Variants in NFATC2 observed in about 807,000 individuals in gnomAD.
NFATC2 encodes the protein nuclear factor of activated T cells 2.
In NFATC2, 22 loss-of-function variants were observed where a neutral mutation model predicts 87.3. The ratio of observed to expected loss-of-function variants is 0.25; its 90% CI spans 0.18 to 0.36. NFATC2 has a LOEUF of 0.36. NFATC2 is among the 10% of genes least tolerant of loss of function. The pLI is 1.00. For synonymous variants in NFATC2, 565 were observed against 542.2 expected, an observed-to-expected ratio of 1.04 and a Z score of -0.58; for missense variants, 1,149 against 1,259.1, an observed-to-expected ratio of 0.91 and a Z score of 1.32.
At chr20:51,528,150 T>C (rs1246884251) in intron 1 of NFATC2, among the ~76,000 whole-genome samples, 1 of 151,714 alleles carries the variant, frequency 6.6e-6, no homozygotes, top group Non-Finnish European at 1.5e-5. Context: ...ATGACCTGTG[T>C]ATGCTTAAGA....
At chr20:51,402,434 C>T (rs1183277087) in intron 9 of NFATC2, among the ~76,000 whole-genome samples, 1 of 151,110 alleles carries the variant, frequency 6.6e-6, no homozygotes, top group Non-Finnish European at 1.5e-5. Context: ...TGCTAAGAAA[C>T]ATCAGCCAAC....
chr20:51,471,889 G>T (rs1304298915), intron 5 of NFATC2, among the ~76,000 whole-genome samples: 2 of 152,196 alleles, frequency 1.3e-5, no homozygotes, highest in Non-Finnish European at 1.5e-5. Flanking sequence ...GCCAGCTGAT[G>T]GATGCAGCAA....
intron 1 of NFATC2, among the ~76,000 whole-genome samples, chr20:51,551,896 G>A (rs557689311): frequency 8.6e-5 from 13 of 152,008 alleles, no homozygotes; most frequent in South Asian, 6.2e-4. Context: ...GTGTGGTGGC[G>A]GGTGCCTGTA....
intron 3 of NFATC2, among the ~76,000 whole-genome samples, chr20:51,499,741 TA>T (rs538460642): frequency 2.4e-3 from 325 of 137,422 alleles, no homozygotes; most frequent in Admixed American, 2.7e-3. Context: ...GACTCCATCT[TA>T]AAAAAAAAAA....
At chr20:51,515,842 T>C (rs1424266368) in intron 3 of NFATC2, among the ~76,000 whole-genome samples, 4 of 152,210 alleles carry the variant, frequency 2.6e-5, no homozygotes, top group African/African-American at 9.7e-5. Context: ...TCATGTTATA[T>C]AGTTTCTAAT....
chr20:51,476,357 C>T (rs1988717581), intron 3 of NFATC2, among the ~76,000 whole-genome samples: 1 of 150,958 alleles, frequency 6.6e-6, no homozygotes. Flanking sequence ...AAGAGTGTGA[C>T]AAAAATGCCA....
intron 6 of NFATC2, among the ~76,000 whole-genome samples, chr20:51,446,435 A>G (rs1055215825): frequency 1.3e-5 from 2 of 152,174 alleles, no homozygotes; most frequent in African/African-American, 4.8e-5. Context: ...GTCCCAAGGT[A>G]CATAGTGTGA....
At chr20:51,444,212 C>T (rs1003086552) in intron 6 of NFATC2, among the ~76,000 whole-genome samples, 3 of 152,024 alleles carry the variant, frequency 2.0e-5, no homozygotes, top group Non-Finnish European at 4.4e-5. Flanking sequence ...GAACTCCTGA[C>T]CTCAGGTGAT....
intron 3 of NFATC2, among the ~76,000 whole-genome samples, chr20:51,492,547 G>A (rs1031412708): frequency 2.6e-5 from 4 of 152,210 alleles, no homozygotes; most frequent in African/African-American, 7.2e-5. Flanking sequence ...TTTCCTCTCT[G>A]TGCTTCCCTT....
intron 1 of NFATC2, among the ~76,000 whole-genome samples, chr20:51,558,944 G>A (rs1365024009): frequency 6.6e-6 from 1 of 152,202 alleles, no homozygotes; most frequent in Non-Finnish European, 1.5e-5. Flanking sequence ...ACAGAAATAG[G>A]AGACCCGATC....
At chr20:51,561,427 AAAGAAAAGAAAGAAAGAAAG>A (rs1250907358) in intron 1 of NFATC2, among the ~76,000 whole-genome samples, 1 of 135,808 alleles carries the variant, frequency 7.4e-6, no homozygotes, top group African/African-American at 3.0e-5. Flanking sequence ...AAAGAGAGAG[AAAGAAAAGAAAGAAAGAAAG>A]AAAGAAAGAA....
intron 1 of NFATC2, among the ~76,000 whole-genome samples, chr20:51,558,453 T>C (rs1319381964): frequency 6.6e-6 from 1 of 152,032 alleles, no homozygotes; most frequent in Non-Finnish European, 1.5e-5. Context: ...TGAGAAAGTA[T>C]TTAGTAATTG....
Position 51,523,925 on chromosome 20 carries a change from C to A in NFATC2, c.316G>T (p.Ala106Ser). ...KFLSAAKPAG[A>S]SGLSPRIEIT... Reference sequence around the variant, plus strand: ...TCGATCCGAGGGCTCAGGCCCGAGGCCCCTGCTGGCTTGGCCGCGCTCAGA... The same window carrying A: ...TCGATCCGAGGGCTCAGGCCCGAGGACCCTGCTGGCTTGGCCGCGCTCAGA... The change falls in exon 2 of 11, where the codon GCC (alanine) becomes TCC (serine). Residue 106 changes from alanine to serine, a missense_variant. Coordinates refer to ENST00000371564, the MANE Select transcript of NFATC2 (RefSeq NM_012340.5). This position sits in a 1 kb window ranked among gnomAD's most constrained non-coding sequence, Gnocchi z 6.9. 6.2e-7 allele frequency: 1 copy of A among 1,602,414 alleles called. No individual in the cohort carries two copies. The highest frequency in any genetic ancestry group is 1.1e-5 in the South Asian group (1 of 89,430).
At chr20:51,444,138 C>T (rs757817779) in intron 6 of NFATC2, among the ~76,000 whole-genome samples, 7 of 152,140 alleles carry the variant, frequency 4.6e-5, no homozygotes, top group South Asian at 2.1e-4. Context: ...CATGCCACCA[C>T]GGCCGGCTAA....
At chr20:51,451,609 C>G (rs952952492) in intron 6 of NFATC2, among the ~76,000 whole-genome samples, 2 of 152,216 alleles carry the variant, frequency 1.3e-5, no homozygotes, top group Non-Finnish European at 2.9e-5. Context: ...ACTAGGCGCA[C>G]AGCAGTAAGT....
chr20:51,522,404 A>AT (rs1568722435), intron 2 of NFATC2, among the ~76,000 whole-genome samples: 1 of 152,176 alleles, frequency 6.6e-6, no homozygotes, highest in Admixed American at 6.5e-5. Flanking sequence ...TTTCACAAGC[A>AT]CAGCAGCAGA....
At chr20:51,404,815 G>C (rs894355429) in intron 9 of NFATC2, among the ~76,000 whole-genome samples, 5 of 152,172 alleles carry the variant, frequency 3.3e-5, no homozygotes, top group Admixed American at 6.5e-5. Context: ...GCTTTGGGCC[G>C]GCGACCTGCA....
At chr20:51,474,889 T>C (rs1988565597) in intron 4 of NFATC2, among the ~76,000 whole-genome samples, 1 of 152,142 alleles carries the variant, frequency 6.6e-6, no homozygotes, top group Non-Finnish European at 1.5e-5. Flanking sequence ...AAATTTAACC[T>C]GATCCCATGC....
rs3830840 is a variant in NFATC2 at position 51,391,469 on chromosome 20, A to AGG, written c.*45-20_*45-19dup. The AGG allele has an allele frequency of 1.2e-3, 1,307 of 1,087,290 alleles. No individual in the cohort carries two copies. The highest frequency in any genetic ancestry group is 4.5e-3 in the African/African-American group (258 of 57,568). 67.4% of individuals were successfully genotyped at this position (1,087,290 alleles called of 1,614,324 possible). On this transcript the variant is annotated intron_variant, in intron 10 of 10. Transcript: ENST00000371564. ...TTCATTAACTACAAAAGAAAAGAGG[A>AGG]GGGGGGGGGAGAGAGAATGGGGCAA...
Sources: gnomAD v4.1 joint callset for allele counts (sites outside exome capture counted in the v4.1 genomes callset) on GRCh38, gnomAD v4.1.1 for gene constraint, Gnocchi (gnomAD v3.1) non-coding constraint, MANE v1.5 for transcripts, NCBI Gene and HGNC (gene_info 2026-07-23, HGNC 2026-07-21) for gene names.